LTBP3: variants seen among roughly 807,000 people sequenced by gnomAD.
The protein encoded by LTBP3 is latent-transforming growth factor beta-binding protein 3.
Under a neutral mutation model 159.7 loss-of-function variants are expected in LTBP3, and 97 were observed. That is an observed-to-expected ratio of 0.61 (90% CI 0.52 to 0.72). LTBP3 has a LOEUF of 0.72. Ranked by LOEUF, LTBP3 falls within the 30% of genes least tolerant of loss-of-function variation. The pLI is 0.00. For synonymous variants in LTBP3, 824 were observed against 777.1 expected, an observed-to-expected ratio of 1.06 and a Z score of -1.00; for missense variants, 1,584 against 1,864.3, an observed-to-expected ratio of 0.85 and a Z score of 2.77.
intron 18 of LTBP3, chr11:65,541,977 G>T: frequency 2.1e-6 from 1 of 482,628 alleles, no homozygotes; most frequent in Non-Finnish European, 3.8e-6. Flanking sequence ...AAATGGAAAG[G>T]CCTCAAATGC....
Position 65,553,408 on chromosome 11 carries a change from T to C in LTBP3, c.970+17A>G, listed in dbSNP as rs1856684706. ...GGGCCACCAGATAGGGAACGCCCCC[T>C]GAGCCCAAGCACTCACACTGCAGCT... On this transcript the variant is annotated intron_variant, in intron 4 of 27. Transcript: ENST00000301873. This position sits in a 1 kb window ranked among gnomAD's most constrained non-coding sequence, Gnocchi z 6.5. The C allele has an allele frequency of 6.2e-7, 1 of 1,607,308 alleles. No homozygotes were observed. The highest frequency in any genetic ancestry group is 1.1e-5 in the South Asian group (1 of 90,792).
rs1430122563 is a variant in LTBP3 at position 65,540,962 on chromosome 11, G to A, written c.2894-8C>T. Reference sequence around the variant, plus strand: ...AGAGGCTGTGGAACTCGGCTGCAGGGGCAGGGCGGCCGTGGGGAGGGAAGA... The same window carrying A: ...AGAGGCTGTGGAACTCGGCTGCAGGAGCAGGGCGGCCGTGGGGAGGGAAGA... On this transcript the variant is annotated splice_region_variant and splice_polypyrimidine_tract_variant and intron_variant, in intron 20 of 27. Coordinates refer to ENST00000301873, the MANE Select transcript of LTBP3 (RefSeq NM_001130144.3). The A allele has an allele frequency of 6.2e-7, 1 of 1,612,428 alleles. No individual in the cohort carries two copies. The highest frequency in any genetic ancestry group is 8.5e-7 in the Non-Finnish European group (1 of 1,179,408).
rs1856154084 is a variant in LTBP3 at position 65,541,962 on chromosome 11, A to C, written c.2597-234T>G. On this transcript the variant is annotated intron_variant, in intron 18 of 27. Transcript: ENST00000301873. The stretch of plus-strand genomic sequence containing the variant: ...CCTTACAAAACCTAAAAGTATCAGA[A>C]GCCCAAATGGAAAGGCCTCAAATGC... 4 of 516,514 alleles carry C rather than the reference A, an allele frequency of 7.7e-6. No homozygotes were observed. The South Asian group carries it at 7.8e-5, about 10-fold the overall frequency. The allele number at this position is 516,514 out of a possible 1,614,324, so 32.0% of individuals were successfully genotyped here.
chr11:65,547,583 G>A lies in LTBP3; in HGVS notation c.1979-16C>T. The A allele has an allele frequency of 6.2e-7, 1 of 1,613,192 alleles. No homozygotes were observed. The highest frequency in any genetic ancestry group is 8.5e-7 in the Non-Finnish European group (1 of 1,179,442). ...TCGTTCAGGTCTGTGCGGGAGGAAGGGGCCACGAAGGGGGTGTAGGAGGCG... is the reference window on the plus strand; with the variant it reads ...TCGTTCAGGTCTGTGCGGGAGGAAGAGGCCACGAAGGGGGTGTAGGAGGCG... On this transcript the variant is annotated splice_polypyrimidine_tract_variant and intron_variant, in intron 13 of 27. Coordinates refer to ENST00000301873, the MANE Select transcript of LTBP3 (RefSeq NM_001130144.3). The surrounding 1 kb of genome is among the most constrained non-coding windows in gnomAD (Gnocchi z 4.6).
In LTBP3 at chr11:65,551,193, C is replaced by G. The variant is rs1856598465; in HGVS notation, c.1653G>C (p.Met551Ile). The G allele has an allele frequency of 6.4e-7, 1 of 1,550,904 alleles. No individual in the cohort carries two copies. Among genetic ancestry groups the G allele is most frequent in the Non-Finnish European group, 8.7e-7 (1 of 1,148,070 alleles). Reference protein sequence around the residue: ...ELISRPSPPTMRWFLPDLPPS... With the variant: ...ELISRPSPPTIRWFLPDLPPS... Reference sequence around the variant, plus strand: ...GAGGCAAGTCCGGCAGGAACCAGCGCATGGTCGGGGGCGAGGGACGGGAGA... The same window carrying G: ...GAGGCAAGTCCGGCAGGAACCAGCGGATGGTCGGGGGCGAGGGACGGGAGA... The change falls in exon 11 of 28, where the codon ATG becomes ATC. Residue 551 changes from methionine to isoleucine, a missense_variant. Around this residue, in one of 6 missense-constraint regions of LTBP3, gnomAD observed 565 missense variants for 677.7 expected, o/e 0.83. Transcript: ENST00000301873.
In LTBP3 at chr11:65,546,672, T is replaced by G; in HGVS notation, c.2231-108A>C. Reference sequence around the variant, plus strand: ...GGAACGCGGGGTTGAGAGGGCAGCCTCTACTCCCGGAAGGCCCCGCCCCCA... The same window carrying G: ...GGAACGCGGGGTTGAGAGGGCAGCCGCTACTCCCGGAAGGCCCCGCCCCCA... On this transcript the variant is annotated intron_variant, in intron 15 of 27. Coordinates refer to ENST00000301873, the MANE Select transcript of LTBP3 (RefSeq NM_001130144.3). This position sits in a 1 kb window ranked among gnomAD's most constrained non-coding sequence, Gnocchi z 4.0. 2 of 1,553,660 alleles carry G rather than the reference T, an allele frequency of 1.3e-6. No homozygotes were observed. The highest frequency in any genetic ancestry group is 1.7e-6 in the Non-Finnish European group (2 of 1,154,442).
In LTBP3 at chr11:65,547,581, A is replaced by C. The variant is rs1425297570; in HGVS notation, c.1979-14T>G. On this transcript the variant is annotated splice_polypyrimidine_tract_variant and intron_variant, in intron 13 of 27. Coordinates refer to ENST00000301873, the MANE Select transcript of LTBP3 (RefSeq NM_001130144.3). The surrounding 1 kb of genome is among the most constrained non-coding windows in gnomAD (Gnocchi z 4.6). ...ATTCGTTCAGGTCTGTGCGGGAGGA[A>C]GGGGCCACGAAGGGGGTGTAGGAGG... 1.2e-6 allele frequency: 2 copies of C among 1,613,180 alleles called. No homozygotes were observed. The highest frequency in any genetic ancestry group is 2.7e-5 in the African/African-American group (2 of 74,900).
chr11:65,540,938 G>A lies in LTBP3; in HGVS notation c.2910C>T (p.Leu970=), dbSNP rs1359149163. ...PVYSSAEFHS[L]CPDGKGYTQD... ...GGGTGTAGCCCTTTCCGTCTGGGCA[G>A]AGGCTGTGGAACTCGGCTGCAGGGG... The change falls in exon 21 of 28, where the codon CTC becomes CTT. Residue 970 remains leucine (L), a synonymous_variant. Transcript: ENST00000301873. The A allele has an allele frequency of 6.2e-7, 1 of 1,613,576 alleles. No homozygotes were observed. The highest frequency in any genetic ancestry group is 2.2e-5 in the East Asian group (1 of 44,876).
In LTBP3 at chr11:65,540,623, TGACA is replaced by T. The variant is rs1856069227; in HGVS notation, c.2978-13_2978-10del. 4.4e-6 allele frequency: 7 copies of T among 1,587,074 alleles called. No individual in the cohort carries two copies. The highest frequency in any genetic ancestry group is 1.4e-5 in the African/African-American group (1 of 72,976). Reference sequence around the variant, plus strand: ...CATGCACTCGTCGATGTCTGCGGGGTGACAAACACTGGCCGCTCCGGTCCCGCAG... The same window carrying T: ...CATGCACTCGTCGATGTCTGCGGGGTAACACTGGCCGCTCCGGTCCCGCAG... On this transcript the variant is annotated splice_polypyrimidine_tract_variant and intron_variant, in intron 21 of 27. Transcript: ENST00000301873.
intron 18 of LTBP3, 100 bp downstream of exon 18, chr11:65,543,005 T>C (rs114332872): frequency 6.8e-7 from 1 of 1,477,436 alleles, no homozygotes; most frequent in Non-Finnish European, 9.3e-7. Flanking sequence ...TGAAGGATGG[T>C]TGGATGGGTG....
intron 1 of LTBP3, among the ~76,000 whole-genome samples, chr11:65,556,176 C>T (rs1399361416): frequency 6.6e-6 from 1 of 151,806 alleles, no homozygotes; most frequent in Non-Finnish European, 1.5e-5. Context: ...ACCCACAGTC[C>T]TCTTGTCACA....
At chr11:65,548,400 T>C in intron 11 of LTBP3, 1 of 540,386 alleles carries the variant, frequency 1.9e-6, no homozygotes, top group South Asian at 2.1e-5. Context: ...AACTCCTTTC[T>C]CCCCAGTCGC....
intron 10 of LTBP3, 35 bp downstream of exon 10, chr11:65,551,367 C>T (rs1856606251): frequency 2.5e-6 from 4 of 1,607,424 alleles, no homozygotes; most frequent in East Asian, 4.5e-5. Context: ...AGTGATTTAG[C>T]CCTTGAGGAC....
intron 1 of LTBP3, among the ~76,000 whole-genome samples, chr11:65,555,073 G>A (rs1856761800): frequency 6.6e-6 from 1 of 151,980 alleles, no homozygotes; most frequent in Non-Finnish European, 1.5e-5. Flanking sequence ...AGCCCCGACG[G>A]CTCCGTCCCT....
In LTBP3 at chr11:65,553,730, A is replaced by C; in HGVS notation, c.835T>G (p.Cys279Gly). The change falls in exon 3 of 28, where the codon TGC becomes GGC. Residue 279 changes from cysteine to glycine, a missense_variant. By Grantham distance (159) the Cys-to-Gly change is radical (BLOSUM62 -3). This residue lies in a region of LTBP3 where 194 missense variants were observed against 198.7 expected (regional missense o/e 0.98). Transcript: ENST00000301873. This position sits in a 1 kb window ranked among gnomAD's most constrained non-coding sequence, Gnocchi z 6.5. ...TGCTTGGGCAGAGTGTCCTGAAAGCAGCGGCCCAGGGGCTTCTGGGTGGGC... is the reference window on the plus strand; with the variant it reads ...TGCTTGGGCAGAGTGTCCTGAAAGCCGCGGCCCAGGGGCTTCTGGGTGGGC... ...RPPTQKPLGRCFQDTLPKQPC... is the reference protein window; with the variant it reads ...RPPTQKPLGRGFQDTLPKQPC... 6.3e-7 allele frequency: 1 copy of C among 1,579,156 alleles called. No homozygotes were observed. Among genetic ancestry groups the C allele is most frequent in the Non-Finnish European group, 8.5e-7 (1 of 1,170,536 alleles).
intron 8 of LTBP3, 172 bp downstream of exon 8, chr11:65,551,800 T>A: frequency 1.1e-6 from 1 of 949,814 alleles, no homozygotes; most frequent in Non-Finnish European, 1.7e-6. Flanking sequence ...AGGTTATAGC[T>A]CAGGGTCAAA....
chr11:65,539,978 C>A, intron 24 of LTBP3, 35 bp downstream of exon 24: 2 of 1,460,920 alleles, frequency 1.4e-6, no homozygotes, highest in East Asian at 2.7e-5. Flanking sequence ...ACGGACAGGG[C>A]CCCGGGATCG....
chr11:65,543,596 G>A (rs1856248257), intron 16 of LTBP3, 47 bp from the exon 17 acceptor site: 4 of 1,612,972 alleles, frequency 2.5e-6, no homozygotes, highest in African/African-American at 1.3e-5. Flanking sequence ...GTGGTCTTGG[G>A]TTTCTACTAC....
rs1402445088 is a variant in LTBP3, at chr11:65,551,523, C to A, written c.1548+25G>T. The A allele has an allele frequency of 4.3e-6, 7 of 1,614,060 alleles. No individual in the cohort carries two copies. In the Admixed American group the frequency reaches 1.2e-4, roughly 27 times the overall value. On this transcript the variant is annotated intron_variant, in intron 9 of 27. Coordinates refer to ENST00000301873, the MANE Select transcript of LTBP3 (RefSeq NM_001130144.3). ...CCTCCTGTCCCTCGCCTGCCCACCC[C>A]TCCCATCTGGGTTCTCATACTCACT... is the stretch of plus-strand genomic sequence containing the variant.
Sources: gnomAD v4.1 joint callset for allele counts (sites outside exome capture counted in the v4.1 genomes callset) on GRCh38, gnomAD v4.1.1 for gene constraint, gnomAD v4.1.1 regional missense constraint, Gnocchi (gnomAD v3.1) non-coding constraint, MANE v1.5 for transcripts, NCBI Gene and HGNC (gene_info 2026-07-23, HGNC 2026-07-21) for gene names.